Variants in HNF1B observed in about 807,000 individuals in gnomAD.
HNF1B encodes hepatocyte nuclear factor 1-beta.
In HNF1B, 8 loss-of-function variants were observed where a neutral mutation model predicts 61.7. The observed-to-expected ratio is 0.13, with a 90% confidence interval of 0.08 to 0.23. The LOEUF is 0.23. HNF1B is among the 10% of genes least tolerant of loss of function. HNF1B has a pLI of 1.00. For synonymous variants in HNF1B, 314 were observed against 287.7 expected, an observed-to-expected ratio of 1.09 and a Z score of -0.93; for missense variants, 562 against 714.5, an observed-to-expected ratio of 0.79 and a Z score of 2.43.
intron 5 of HNF1B, among the ~76,000 whole-genome samples, chr17:37,709,976 C>T (rs917481391): frequency 5.3e-5 from 8 of 152,184 alleles, no homozygotes; most frequent in African/African-American, 9.7e-5. Flanking sequence ...CTGTGATCTT[C>T]GCTGTCATGG....
intron 8 of HNF1B, among the ~76,000 whole-genome samples, chr17:37,688,158 T>C (rs1024258136): frequency 2.0e-5 from 3 of 152,182 alleles, no homozygotes; most frequent in Admixed American, 6.5e-5. Flanking sequence ...CCAGAATGGC[T>C]GGAGAAGCCC....
chr17:37,690,548 A>G (rs1462824590), intron 8 of HNF1B, among the ~76,000 whole-genome samples: 1 of 152,182 alleles, frequency 6.6e-6, no homozygotes, highest in Non-Finnish European at 1.5e-5. Context: ...GGCTGGGACT[A>G]GGGCAGTCCT....
Position 37,710,741 on chromosome 17 carries a change from T to C in HNF1B, c.1046-78A>G, listed in dbSNP as rs2032908516. 2.8e-6 allele frequency: 4 copies of C among 1,421,684 alleles called. No homozygotes were observed. The South Asian group carries it at 4.8e-5, about 17-fold the overall frequency. The allele number at this position is 1,421,684 out of a possible 1,614,324, so 88.1% of individuals were successfully genotyped here. A position where few individuals can be genotyped will look rare whatever the true frequency, so the allele number is the denominator to read the frequency against. ...AACAATGACTCGGCACCTCTTGTTT[T>C]CAAGGGTGGGTAATAAGAAAATAAA... On this transcript the variant is annotated intron_variant, in intron 4 of 8. Transcript: ENST00000617811.
chr17:37,694,449 C>G (rs9900653), intron 8 of HNF1B, among the ~76,000 whole-genome samples: 1 of 72,858 alleles, frequency 1.4e-5, no homozygotes, highest in Non-Finnish European at 3.4e-5. Context: ...CCCCCCCCCC[C>G]CCCCGCAAAA....
chr17:37,707,765 CTCTCT>C (rs1240967484), intron 5 of HNF1B, among the ~76,000 whole-genome samples: 3 of 148,644 alleles, frequency 2.0e-5, no homozygotes, highest in Non-Finnish European at 4.5e-5. Flanking sequence ...GCTTTGTTCT[CTCTCT>C]TTTTTTTTTT....
At chr17:37,722,612 AG>A (rs1385656175) in intron 4 of HNF1B, among the ~76,000 whole-genome samples, 1 of 152,216 alleles carries the variant, frequency 6.6e-6, no homozygotes, top group African/African-American at 2.4e-5. Flanking sequence ...TCTCCAACTT[AG>A]GAAGAACATG....
chr17:37,712,743 C>A lies in HNF1B; in HGVS notation c.1046-2080G>T, dbSNP rs538629390. ...ACTTTCCCTCTCTGTGCCTTTGTTT[C>A]CTCTAGAAAAATGGAGAGAATGCCT... On this transcript the variant is annotated intron_variant, in intron 4 of 8. Coordinates refer to ENST00000617811, the MANE Select transcript of HNF1B (RefSeq NM_000458.4). 9.9e-5 allele frequency among the ~76,000 whole-genome samples: 15 copies of A among 152,276 alleles called. No homozygotes were observed. The South Asian group carries it at 3.1e-3, about 32-fold the overall frequency.
At chr17:37,731,561 G>C in intron 4 of HNF1B, 34 bp downstream of exon 4, 1 of 1,548,282 alleles carries the variant, frequency 6.5e-7, no homozygotes, top group Non-Finnish European at 8.8e-7. Flanking sequence ...GGATGGTTGG[G>C]TTGCCGAGGC....
chr17:37,723,540 C>G (rs900533845), intron 4 of HNF1B, among the ~76,000 whole-genome samples: 4 of 152,138 alleles, frequency 2.6e-5, no homozygotes, highest in Admixed American at 6.5e-5. Context: ...AAATGCCTTA[C>G]GGCACTCAAT....
intron 1 of HNF1B, among the ~76,000 whole-genome samples, chr17:37,742,684 G>C (rs2034030868): frequency 6.6e-6 from 1 of 152,018 alleles, no homozygotes; most frequent in South Asian, 2.1e-4. Flanking sequence ...GCTGGGGCCT[G>C]GGGCTTTGGG....
chr17:37,707,258 G>A (rs1482519505), intron 5 of HNF1B, among the ~76,000 whole-genome samples: 8 of 151,936 alleles, frequency 5.3e-5, no homozygotes, highest in African/African-American at 1.9e-4. Flanking sequence ...TGGGACAACA[G>A]GCATGCACCA....
chr17:37,744,534 C>G lies in HNF1B; in HGVS notation c.344+7G>C. The G allele has an allele frequency of 6.2e-7, 1 of 1,601,020 alleles. No homozygotes were observed. On this transcript the variant is annotated splice_region_variant and intron_variant, in intron 1 of 8. Coordinates refer to ENST00000617811, the MANE Select transcript of HNF1B (RefSeq NM_000458.4). The stretch of plus-strand genomic sequence containing the variant: ...GGTGGGTCCCCTCCACCTCGCTCTG[C>G]GCCTACCTGAGCATCCGGTCCACCT...
At chr17:37,720,017 C>T (rs1028326979) in intron 4 of HNF1B, among the ~76,000 whole-genome samples, 4 of 152,120 alleles carry the variant, frequency 2.6e-5, no homozygotes, top group African/African-American at 9.7e-5. Flanking sequence ...CAGATAGCTG[C>T]CGATCACCGG....
intron 8 of HNF1B, among the ~76,000 whole-genome samples, chr17:37,695,476 C>T (rs531503998): frequency 2.6e-5 from 4 of 152,332 alleles, no homozygotes; most frequent in Admixed American, 1.3e-4. Context: ...GAGCCCCACC[C>T]GCCCCACACA....
At chr17:37,693,543 T>C (rs2032279101) in intron 8 of HNF1B, among the ~76,000 whole-genome samples, 1 of 152,178 alleles carries the variant, frequency 6.6e-6, no homozygotes, top group Non-Finnish European at 1.5e-5. Context: ...TGCACGCTAA[T>C]TGCCCGGTTC....
chr17:37,740,823 A>G lies in HNF1B; in HGVS notation c.345-1184T>C, dbSNP rs997439869. On this transcript the variant is annotated intron_variant, in intron 1 of 8. Coordinates refer to ENST00000617811, the MANE Select transcript of HNF1B (RefSeq NM_000458.4). The stretch of plus-strand genomic sequence containing the variant: ...TCATTTCTCATAAACACAGGTGTGT[A>G]AACTGCTAGTTTTAGCACCTTTGAA... Among the ~76,000 whole-genome samples, 3 of 152,246 alleles carry G rather than the reference A, an allele frequency of 2.0e-5. 1 individual carries two copies. The highest frequency in any genetic ancestry group is 2.0e-4 in the Admixed American group (3 of 15,288).
intron 8 of HNF1B, among the ~76,000 whole-genome samples, chr17:37,690,322 C>G (rs1019676974): frequency 6.6e-6 from 1 of 152,054 alleles, no homozygotes; most frequent in African/African-American, 2.4e-5. Flanking sequence ...GTGAGAACGG[C>G]GACACTGGCA....
chr17:37,700,368 A>G (rs574328904), intron 7 of HNF1B, among the ~76,000 whole-genome samples: 1 of 152,346 alleles, frequency 6.6e-6, no homozygotes, highest in African/African-American at 2.4e-5. Flanking sequence ...GAAATTGGAT[A>G]TGAGAAACAG....
intron 8 of HNF1B, among the ~76,000 whole-genome samples, chr17:37,690,277 G>C (rs906971232): frequency 2.0e-5 from 3 of 152,188 alleles, no homozygotes; most frequent in African/African-American, 7.2e-5. Flanking sequence ...CCCTGGCACA[G>C]CTAAAGCTGA....
Sources: allele counts gnomAD v4.1 joint callset (sites outside exome capture counted in the v4.1 genomes callset), GRCh38; gene constraint gnomAD v4.1.1; transcripts MANE v1.5; gene names NCBI Gene and HGNC (gene_info 2026-07-23, HGNC 2026-07-21).